LRRC27: variants seen among roughly 807,000 people sequenced by gnomAD.
LRRC27 encodes leucine rich repeat containing 27, also known as leucine-rich repeat-containing protein 27.
A neutral mutation model predicts 55.0 loss-of-function variants in LRRC27; 57 were observed. That is an observed-to-expected ratio of 1.04 (90% CI 0.84 to 1.29). The LOEUF is 1.29. LRRC27 is among the 50% of genes most tolerant of loss of function. The pLI, the probability that LRRC27 is intolerant of heterozygous loss-of-function variation, is 0.00. For missense variants in LRRC27, 721 were observed against 651.5 expected (o/e 1.11, Z -1.16); for synonymous variants, 278 against 251.9 (o/e 1.10, Z -0.98).
intron 9 of LRRC27, among the ~76,000 whole-genome samples, chr10:132,363,694 C>T (rs2068756546): frequency 6.6e-6 from 1 of 152,200 alleles, no homozygotes; most frequent in South Asian, 2.1e-4. Flanking sequence ...GGGGCCTGAG[C>T]TTGGAAGGCC....
At chr10:132,362,609 G>T (rs1009219905) in intron 9 of LRRC27, among the ~76,000 whole-genome samples, 1 of 152,066 alleles carries the variant, frequency 6.6e-6, no homozygotes, top group South Asian at 2.1e-4. Context: ...GGGTTCCCGG[G>T]GGTTCACCCT....
At chr10:132,359,450 G>T (rs1286934856) in intron 8 of LRRC27, among the ~76,000 whole-genome samples, 2 of 152,224 alleles carry the variant, frequency 1.3e-5, no homozygotes, top group African/African-American at 4.8e-5. Flanking sequence ...GCTCCCTGCA[G>T]CTGGGCAGGA....
In LRRC27 at chr10:132,338,593, C is replaced by T. The variant is rs564674749; in HGVS notation, c.341+898C>T. Among the ~76,000 whole-genome samples, 13 of 152,310 alleles carry T rather than the reference C, an allele frequency of 8.5e-5. No homozygotes were observed. In the South Asian group the frequency reaches 2.5e-3, roughly 29 times the overall value. On this transcript the variant is annotated intron_variant, in intron 3 of 10. Coordinates refer to ENST00000368614, the MANE Select transcript of LRRC27 (RefSeq NM_030626.3). The stretch of plus-strand genomic sequence containing the variant: ...CCCAGCAGCCAGGACTCTACTCTCA[C>T]TATGGAGACGTCCTCCTTTCCTGAG...
intron 8 of LRRC27, among the ~76,000 whole-genome samples, chr10:132,356,100 C>G (rs1030552584): frequency 2.0e-5 from 3 of 152,200 alleles, no homozygotes; most frequent in Non-Finnish European, 4.4e-5. Flanking sequence ...GTGCAGCATC[C>G]AGAACCATTG....
Position 132,348,179 on chromosome 10 carries a change from CAG to C in LRRC27, c.753_754del (p.Asn252LeufsTer19). The C allele has an allele frequency of 6.2e-7, 1 of 1,614,110 alleles. No homozygotes were observed. The highest frequency in any genetic ancestry group is 8.5e-7 in the Non-Finnish European group (1 of 1,180,040). ...GAACTCAGGAAGTCTGCGGACTCCT[CAG>C]AGAACTGGCCCAGCGAGGAGGAGAT... On this transcript the variant is annotated frameshift_variant, in exon 6 of 11. Coordinates refer to ENST00000368614, the MANE Select transcript of LRRC27 (RefSeq NM_030626.3). LOFTEE classifies it high-confidence loss of function. The surrounding 1 kb of genome is among the most constrained non-coding windows in gnomAD (Gnocchi z 4.2).
chr10:132,344,679 A>G, intron 5 of LRRC27, 29 bp downstream of exon 5: 1 of 1,605,784 alleles, frequency 6.2e-7, no homozygotes. Context: ...ATGACAAATC[A>G]CATTAACGTT....
chr10:132,338,248 A>G (rs2474336), intron 3 of LRRC27, among the ~76,000 whole-genome samples: 58,141 of 151,954 alleles, frequency 0.38, 11,361 homozygotes, highest in African/African-American at 0.42. Flanking sequence ...CCCAGGAGGC[A>G]GAGGTTGCAG....
chr10:132,361,896 G>A (rs924996648), intron 9 of LRRC27, among the ~76,000 whole-genome samples: 7 of 151,962 alleles, frequency 4.6e-5, no homozygotes, highest in Middle Eastern at 3.2e-3. Flanking sequence ...AGATCCACCC[G>A]CTGCAGTCCC....
At chr10:132,343,812 A>G (rs2067540588) in intron 4 of LRRC27, among the ~76,000 whole-genome samples, 1 of 152,232 alleles carries the variant, frequency 6.6e-6, no homozygotes, top group African/African-American at 2.4e-5. Flanking sequence ...CCACAGGACT[A>G]GGGCCCCTGC....
rs1316322588 is a variant in LRRC27 at position 132,374,910 on chromosome 10, C to T, written c.1417-156C>T. The stretch of plus-strand genomic sequence containing the variant: ...CTGGGCCCCATTGCAGGGGGGACCG[C>T]GCCGTGATGCGGCTTGCAGGGGCCC... On this transcript the variant is annotated intron_variant, in intron 10 of 10. Transcript: ENST00000368614. This position sits in a 1 kb window ranked among gnomAD's most constrained non-coding sequence, Gnocchi z 4.4. Among the ~76,000 whole-genome samples, 8 of 152,184 alleles carry T rather than the reference C, an allele frequency of 5.3e-5. No individual in the cohort carries two copies. Among genetic ancestry groups the T allele is most frequent in the Non-Finnish European group, 8.8e-5 (6 of 68,018 alleles).
At chr10:132,366,781 T>A in intron 10 of LRRC27, 4 of 1,146,868 alleles carry the variant, frequency 3.5e-6, no homozygotes, top group Non-Finnish European at 4.4e-6. Context: ...ACCCTGGCCT[T>A]CCTGTCCCCA....
chr10:132,374,686 A>C lies in LRRC27; in HGVS notation c.1417-380A>C, dbSNP rs930956467. Among the ~76,000 whole-genome samples the C allele has an allele frequency of 3.9e-5, 6 of 152,274 alleles. No individual in the cohort carries two copies. The highest frequency in any genetic ancestry group is 3.9e-4 in the Admixed American group (6 of 15,308). On this transcript the variant is annotated intron_variant, in intron 10 of 10. Transcript: ENST00000368614. This position sits in a 1 kb window ranked among gnomAD's most constrained non-coding sequence, Gnocchi z 4.4. ...TGGCTGTGGTGATGCTTGCCAAGAC[A>C]CTGCCCGGGGTGTGGCATCAGCCTT...
intron 3 of LRRC27, among the ~76,000 whole-genome samples, chr10:132,341,540 A>G (rs972316780): frequency 6.6e-6 from 1 of 152,178 alleles, no homozygotes; most frequent in Non-Finnish European, 1.5e-5. Flanking sequence ...CATCCATGAT[A>G]TATTTTGGGC....
chr10:132,351,298 C>T (rs376028639), intron 6 of LRRC27: 246 of 318,662 alleles, frequency 7.7e-4, no homozygotes, highest in Non-Finnish European at 1.3e-3. Flanking sequence ...TCAAGCAGGT[C>T]GGGTGCAGCT....
At chr10:132,335,473 T>C (rs188052525) in intron 2 of LRRC27, among the ~76,000 whole-genome samples, 1,666 of 146,704 alleles carry the variant, frequency 0.011, 104 homozygotes, top group Admixed American at 0.1. Context: ...GGCTGAGTAC[T>C]ATGGGGGGGG....
chr10:132,340,404 G>A (rs1315949586), intron 3 of LRRC27, among the ~76,000 whole-genome samples: 1 of 152,150 alleles, frequency 6.6e-6, no homozygotes, highest in Non-Finnish European at 1.5e-5. Flanking sequence ...CCACCCAGCA[G>A]CACGTGAGTG....
At chr10:132,340,725 A>T (rs1488067271) in intron 3 of LRRC27, among the ~76,000 whole-genome samples, 2 of 151,980 alleles carry the variant, frequency 1.3e-5, no homozygotes, top group Admixed American at 6.6e-5. Flanking sequence ...CAGCACTTTG[A>T]ATGGCCGAGG....
In LRRC27 at chr10:132,378,254, A is replaced by C. The variant is rs530112394; in HGVS notation, c.*3012A>C. 1.3e-5 allele frequency: 2 copies of C among 151,604 alleles called. No individual in the cohort carries two copies. Among genetic ancestry groups the C allele is most frequent in the Non-Finnish European group, 2.9e-5 (2 of 67,922 alleles). The allele number at this position is 151,604 out of a possible 1,614,324, so 9.4% of individuals were successfully genotyped here. A position where few individuals can be genotyped will look rare whatever the true frequency, so the allele number is the denominator to read the frequency against. ...TAATGGGTCTTTTTTCTTTGTCTTA[A>C]AATTGTTTCTCCTTATCTTTGGTTT... On this transcript the variant is annotated 3_prime_UTR_variant, in exon 11 of 11. Coordinates refer to ENST00000368614, the MANE Select transcript of LRRC27 (RefSeq NM_030626.3).
At chr10:132,354,966 G>A (rs12416667) in intron 7 of LRRC27, among the ~76,000 whole-genome samples, 56,665 of 152,166 alleles carry the variant, frequency 0.37, 10,990 homozygotes, top group East Asian at 0.49. Context: ...CCGCCCAGCC[G>A]CAGATGTGGG....
Sources: gnomAD v4.1 joint callset for allele counts (sites outside exome capture counted in the v4.1 genomes callset) on GRCh38, gnomAD v4.1.1 for gene constraint, Gnocchi (gnomAD v3.1) non-coding constraint, MANE v1.5 for transcripts, NCBI Gene and HGNC (gene_info 2026-07-23, HGNC 2026-07-21) for gene names.